The following FSTL5 variants were observed in gnomAD, a reference collection of about 807,000 sequenced individuals.
The protein encoded by FSTL5 is follistatin like 5.
In FSTL5, 62 loss-of-function variants were observed where a neutral mutation model predicts 89.1. That is an observed-to-expected ratio of 0.70 (90% CI 0.57 to 0.86). FSTL5 has a LOEUF of 0.86. Among genes scored for constraint, FSTL5 ranks in the 40% least tolerant of loss-of-function variants. FSTL5 has a pLI of 0.00. For synonymous variants in FSTL5, 383 were observed against 346.2 expected (o/e 1.11, Z -1.18); for missense variants, 1,057 against 1,001.6 (o/e 1.06, Z -0.75).
At chr4:161,943,615 G>T (rs559966504) in intron 3 of FSTL5, among the ~76,000 whole-genome samples, 10 of 115,908 alleles carry the variant, frequency 8.6e-5, no homozygotes, top group African/African-American at 3.3e-4. Flanking sequence ...GAGTGCAGTG[G>T]TGCAATCTCA....
chr4:161,753,143 C>G (rs1740457527), intron 6 of FSTL5, among the ~76,000 whole-genome samples: 1 of 152,144 alleles, frequency 6.6e-6, no homozygotes, highest in African/African-American at 2.4e-5. Context: ...TCTGACAGAT[C>G]TTCAGTTTCT....
intron 3 of FSTL5, among the ~76,000 whole-genome samples, chr4:162,031,925 G>A (rs540657850): frequency 3.6e-4 from 55 of 152,108 alleles, no homozygotes; most frequent in African/African-American, 1.3e-3. Context: ...GCAACAGAGC[G>A]AGACTCCATG....
At chr4:161,534,172 G>C (rs1286870495) in intron 10 of FSTL5, among the ~76,000 whole-genome samples, 1 of 152,034 alleles carries the variant, frequency 6.6e-6, no homozygotes, top group Non-Finnish European at 1.5e-5. Flanking sequence ...ACTGGAACAA[G>C]AAAGGAATGC....
intron 7 of FSTL5, among the ~76,000 whole-genome samples, chr4:161,635,693 T>C (rs905223586): frequency 3.3e-5 from 5 of 152,196 alleles, no homozygotes; most frequent in Non-Finnish European, 2.9e-5. Context: ...CTATCTTTCT[T>C]ATGAACAACT....
chr4:162,141,689 G>C (rs926918505), intron 1 of FSTL5, among the ~76,000 whole-genome samples: 1 of 152,172 alleles, frequency 6.6e-6, no homozygotes, highest in African/African-American at 2.4e-5. Flanking sequence ...GCGGTGGCGG[G>C]AAGAGGAGAA....
intron 2 of FSTL5, among the ~76,000 whole-genome samples, chr4:162,076,322 T>C (rs1729842382): frequency 1.3e-5 from 2 of 152,028 alleles, no homozygotes; most frequent in Middle Eastern, 3.4e-3. Context: ...GCCTTCTTTT[T>C]CCCAAACTGT....
At chr4:162,115,272 T>C (rs1007114432) in intron 1 of FSTL5, among the ~76,000 whole-genome samples, 1 of 152,224 alleles carries the variant, frequency 6.6e-6, no homozygotes, top group African/African-American at 2.4e-5. Context: ...AAAAAATGGC[T>C]CTTCTCAATG....
In FSTL5 at chr4:161,737,954, CG is replaced by C. The variant is rs566662430; in HGVS notation, c.727+21456del. Among the ~76,000 whole-genome samples the C allele has an allele frequency of 2.3e-4, 35 of 151,872 alleles. No individual in the cohort carries two copies. The East Asian group carries it at 6.2e-3, about 27-fold the overall frequency. On this transcript the variant is annotated intron_variant, in intron 6 of 15. Transcript: ENST00000306100. ...TAAAAATTTAAGACCAGTGATTTTCCGAGTTTTAGGGCTTTTGAAGAAAGAA... is the reference window on the plus strand; with the variant it reads ...TAAAAATTTAAGACCAGTGATTTTCCAGTTTTAGGGCTTTTGAAGAAAGAA...
At chr4:161,570,653 T>A (rs1732973132) in intron 8 of FSTL5, among the ~76,000 whole-genome samples, 1 of 152,172 alleles carries the variant, frequency 6.6e-6, no homozygotes, top group Non-Finnish European at 1.5e-5. Context: ...AGTTCAGAGA[T>A]CTTTATCAAG....
In FSTL5 at chr4:161,541,701, T is replaced by C. The variant is rs1015696693; in HGVS notation, c.1177+831A>G. On this transcript the variant is annotated intron_variant, in intron 9 of 15. Coordinates refer to ENST00000306100, the MANE Select transcript of FSTL5 (RefSeq NM_020116.5). ...AATAATAGAACTCTATGTAATAAAGTGACAAAATATGTTCATGTTTAATAA... is the reference window on the plus strand; with the variant it reads ...AATAATAGAACTCTATGTAATAAAGCGACAAAATATGTTCATGTTTAATAA... Among the ~76,000 whole-genome samples, 38 of 152,118 alleles carry C rather than the reference T, an allele frequency of 2.5e-4. 1 individual carries two copies. In the East Asian group the frequency reaches 7.1e-3, roughly 29 times the overall value.
At chr4:161,454,660 C>G (rs1027838225) in intron 15 of FSTL5, among the ~76,000 whole-genome samples, 165 of 152,240 alleles carry the variant, frequency 1.1e-3, no homozygotes, top group African/African-American at 3.8e-3. Flanking sequence ...GTGATTTTAT[C>G]TTTTAAATTA....
intron 10 of FSTL5, 58 bp downstream of exon 10, chr4:161,538,108 C>T (rs1731692185): frequency 2.6e-6 from 4 of 1,546,154 alleles, no homozygotes; most frequent in Non-Finnish European, 2.6e-6. Flanking sequence ...TTAAAAAAAG[C>T]TGTAAAAAAG....
intron 3 of FSTL5, among the ~76,000 whole-genome samples, chr4:162,021,051 G>T (rs1737064075): frequency 6.6e-6 from 1 of 151,820 alleles, no homozygotes; most frequent in South Asian, 2.1e-4. Context: ...ATTTTATATT[G>T]TTCAAGTTGT....
intron 1 of FSTL5, among the ~76,000 whole-genome samples, chr4:162,146,894 G>A (rs1235670612): frequency 6.6e-6 from 1 of 151,878 alleles, no homozygotes; most frequent in Non-Finnish European, 1.5e-5. Flanking sequence ...TGATTCTCCT[G>A]CCTCAGCCTC....
intron 6 of FSTL5, among the ~76,000 whole-genome samples, chr4:161,741,690 T>TA (rs1268610705): frequency 6.5e-5 from 6 of 92,018 alleles, no homozygotes; most frequent in East Asian, 7.0e-4. Context: ...GATTTTTTTT[T>TA]TTTTTTTTTT....
chr4:162,016,631 A>C (rs1301321269), intron 3 of FSTL5, among the ~76,000 whole-genome samples: 1 of 152,144 alleles, frequency 6.6e-6, no homozygotes, highest in East Asian at 1.9e-4. Flanking sequence ...CTTCTTATTA[A>C]ATTTCTCTAA....
At chr4:162,158,409 A>C (rs1185089596) in intron 1 of FSTL5, among the ~76,000 whole-genome samples, 1 of 152,132 alleles carries the variant, frequency 6.6e-6, no homozygotes, top group African/African-American at 2.4e-5. Flanking sequence ...TGTATTCTAA[A>C]GTGTGTATAC....
intron 3 of FSTL5, among the ~76,000 whole-genome samples, chr4:162,029,146 GGAGA>G (rs5863512): frequency 1.1e-4 from 16 of 139,278 alleles, no homozygotes; most frequent in East Asian, 4.2e-4. Context: ...TGTACATGAG[GGAGA>G]GAGAGAGAGA....
intron 5 of FSTL5, among the ~76,000 whole-genome samples, chr4:161,769,808 C>G (rs1741145423): frequency 6.6e-6 from 1 of 151,402 alleles, no homozygotes; most frequent in Admixed American, 6.6e-5. Flanking sequence ...GAAGTCCTAG[C>G]TAGAGCAATC....
Sources: allele counts gnomAD v4.1 joint callset (sites outside exome capture counted in the v4.1 genomes callset), GRCh38; gene constraint gnomAD v4.1.1; transcripts MANE v1.5; gene names NCBI Gene and HGNC (gene_info 2026-07-23, HGNC 2026-07-21).